The following GPHN variants were observed in gnomAD, a reference collection of about 807,000 sequenced individuals.
GPHN encodes gephyrin.
GPHN carries 17 observed loss-of-function variants against 95.5 expected under a neutral mutation model. That is an observed-to-expected ratio of 0.18 (90% confidence interval 0.12 to 0.27). The LOEUF (loss-of-function observed/expected upper bound fraction) is 0.27, where lower values mean the gene tolerates loss of function less well. Among genes scored for constraint, GPHN ranks in the 10% least tolerant of loss-of-function variants. The pLI is 1.00. For missense variants in GPHN, 660 were observed against 978.1 expected, an observed-to-expected ratio of 0.67 and a Z score of 4.34; for synonymous variants, 320 against 322.5, an observed-to-expected ratio of 0.99 and a Z score of 0.08.
chr14:67,098,869 A>G (rs2153676900), intron 12 of GPHN, among the ~76,000 whole-genome samples: 1 of 151,910 alleles, frequency 6.6e-6, no homozygotes, highest in East Asian at 1.9e-4. Flanking sequence ...CTAGGTTGCT[A>G]TAGGAGGTAG....
the GPHN span, chr14:67,376,590 C>T: frequency 7.4e-6 from 12 of 1,612,916 alleles, no homozygotes; most frequent in Admixed American, 1.7e-5. Flanking sequence ...CATGCAGTCT[C>T]GTAAGAATAC....
chr14:67,360,389 A>T, the GPHN span: 2 of 395,790 alleles, frequency 5.1e-6, no homozygotes, highest in Non-Finnish European at 4.5e-6. Flanking sequence ...AGGGGGAAGC[A>T]AGTCTGGTCT....
the GPHN span, among the ~76,000 whole-genome samples, chr14:67,238,641 AAAT>A: frequency 6.6e-6 from 1 of 151,794 alleles, no homozygotes; most frequent in African/African-American, 2.4e-5. Flanking sequence ...TTAGGAGGTA[AAAT>A]AATAACTTTT....
the GPHN span, chr14:67,350,607 T>C: frequency 3.1e-6 from 5 of 1,612,542 alleles, no homozygotes; most frequent in African/African-American, 5.3e-5. Context: ...TTTAGTCCCC[T>C]TACCTGAAGT....
At chr14:67,666,561 T>C in the GPHN span, among the ~76,000 whole-genome samples, 9 of 152,250 alleles carry the variant, frequency 5.9e-5, no homozygotes, top group Admixed American at 5.9e-4. Context: ...GGGAGGCAGA[T>C]AATTCAAGAG....
the GPHN span, among the ~76,000 whole-genome samples, chr14:67,448,220 C>A: frequency 2.8e-5 from 4 of 140,938 alleles, no homozygotes; most frequent in East Asian, 9.4e-4. Context: ...CTCACTGCAA[C>A]CTCCACCTCC....
chr14:66,679,418 G>A (rs944205689), intron 1 of GPHN, among the ~76,000 whole-genome samples: 1 of 151,916 alleles, frequency 6.6e-6, no homozygotes, highest in Non-Finnish European at 1.5e-5. Flanking sequence ...GTTGGTTGTG[G>A]TTTTTTTCAC....
chr14:66,896,269 AAT>A (rs1290630893), intron 5 of GPHN, among the ~76,000 whole-genome samples: 1 of 152,154 alleles, frequency 6.6e-6, no homozygotes, highest in African/African-American at 2.4e-5. Flanking sequence ...GGGAAGAAAA[AAT>A]ATGTTAGAAT....
the GPHN span, among the ~76,000 whole-genome samples, chr14:67,605,141 A>G: frequency 6.6e-6 from 1 of 152,324 alleles, no homozygotes. Context: ...TACTGAATCT[A>G]TCAATCAATC....
intron 5 of GPHN, among the ~76,000 whole-genome samples, chr14:66,899,429 G>C (rs1357513717): frequency 6.6e-6 from 1 of 151,816 alleles, no homozygotes; most frequent in East Asian, 1.9e-4. Context: ...AATTAAAGAA[G>C]TCCATCCCTT....
At chr14:67,559,290 T>G in the GPHN span, among the ~76,000 whole-genome samples, 1 of 152,164 alleles carries the variant, frequency 6.6e-6, no homozygotes, top group Non-Finnish European at 1.5e-5. Flanking sequence ...CACCTCTCTC[T>G]CCCTCCCCAG....
chr14:67,081,396 A>G (rs1189112756), intron 11 of GPHN, among the ~76,000 whole-genome samples: 3 of 151,998 alleles, frequency 2.0e-5, no homozygotes, highest in African/African-American at 4.8e-5. Context: ...CCATTTGTAT[A>G]TCTTCTTTTG....
chr14:67,382,911 G>GCA, the GPHN span, among the ~76,000 whole-genome samples: 4 of 140,506 alleles, frequency 2.8e-5, no homozygotes, highest in Non-Finnish European at 4.9e-5. Context: ...GTGCGTGCGT[G>GCA]TGTGTGTGTG....
intron 5 of GPHN, among the ~76,000 whole-genome samples, chr14:66,906,599 A>C (rs2065391548): frequency 6.6e-6 from 1 of 152,062 alleles, no homozygotes; most frequent in Admixed American, 6.5e-5. Flanking sequence ...GAGTTCTGGG[A>C]TATTTCTAGT....
chr14:67,461,118 G>A, the GPHN span, among the ~76,000 whole-genome samples: 1 of 152,202 alleles, frequency 6.6e-6, no homozygotes, highest in Admixed American at 6.5e-5. Flanking sequence ...TTCCAGAAAT[G>A]CTTGCTGGAG....
intron 2 of GPHN, among the ~76,000 whole-genome samples, chr14:66,694,285 G>A (rs1052965706): frequency 6.6e-6 from 1 of 152,068 alleles, no homozygotes; most frequent in Non-Finnish European, 1.5e-5. Context: ...CAGGAAGTAG[G>A]CCTTCACCTG....
intron 1 of GPHN, among the ~76,000 whole-genome samples, chr14:66,576,633 T>C (rs914951407): frequency 6.6e-6 from 1 of 152,176 alleles, no homozygotes; most frequent in Admixed American, 6.5e-5. Context: ...ATGCACAATC[T>C]AAGTTTATTT....
chr14:66,894,464 T>C (rs1239281382), intron 5 of GPHN, among the ~76,000 whole-genome samples: 1 of 152,218 alleles, frequency 6.6e-6, no homozygotes, highest in Non-Finnish European at 1.5e-5. Flanking sequence ...AAAGACTTCA[T>C]GTCTAAAACA....
chr14:67,237,609 T>G, the GPHN span, among the ~76,000 whole-genome samples: 1 of 152,122 alleles, frequency 6.6e-6, no homozygotes, highest in Non-Finnish European at 1.5e-5. Context: ...CATGCCACCA[T>G]GACTGGCTTC....
Sources: allele counts gnomAD v4.1 joint callset (sites outside exome capture counted in the v4.1 genomes callset), GRCh38; gene constraint gnomAD v4.1.1; transcripts MANE v1.5; gene names NCBI Gene and HGNC (gene_info 2026-07-23, HGNC 2026-07-21).